IQGAP1: variants seen among roughly 807,000 people sequenced by gnomAD.
IQGAP1 encodes the protein IQ motif containing GTPase activating protein 1.
In IQGAP1, 66 loss-of-function variants were observed where a neutral mutation model predicts 215.6. The ratio of observed to expected loss-of-function variants is 0.31; its 90% CI spans 0.25 to 0.38. The LOEUF (loss-of-function observed/expected upper bound fraction) is 0.38. Ranked by LOEUF, IQGAP1 falls within the 10% of genes least tolerant of loss-of-function variation. The pLI is 1.00. For missense variants in IQGAP1, 1,712 were observed against 1,997.1 expected (o/e 0.86, Z 2.72); for synonymous variants, 772 against 728.7 (o/e 1.06, Z -0.96).
intron 26 of IQGAP1, among the ~76,000 whole-genome samples, chr15:90,479,476 G>T (rs1039375817): frequency 4.6e-5 from 7 of 151,566 alleles, no homozygotes; most frequent in African/African-American, 1.7e-4. Context: ...GGTAGCTCAC[G>T]ACTGTAATCC....
intron 18 of IQGAP1, among the ~76,000 whole-genome samples, chr15:90,469,307 C>T (rs1206622131): frequency 1.3e-5 from 2 of 152,210 alleles, no homozygotes; most frequent in South Asian, 2.1e-4. Flanking sequence ...ATTTACTTCC[C>T]TTTGGCAATA....
intron 26 of IQGAP1, 40 bp downstream of exon 26, chr15:90,477,929 T>A (rs779772642): frequency 1.6e-6 from 2 of 1,278,320 alleles, no homozygotes; most frequent in Non-Finnish European, 2.3e-6. Flanking sequence ...CATGTTGTTA[T>A]AGTCTTTCCC....
intron 5 of IQGAP1, among the ~76,000 whole-genome samples, chr15:90,437,440 C>G (rs976051294): frequency 6.6e-6 from 1 of 152,016 alleles, no homozygotes; most frequent in Non-Finnish European, 1.5e-5. Flanking sequence ...GAAAAATATT[C>G]TCTTAATTAA....
intron 9 of IQGAP1, among the ~76,000 whole-genome samples, chr15:90,443,680 A>G (rs992522324): frequency 1.3e-5 from 2 of 152,112 alleles, no homozygotes; most frequent in East Asian, 3.8e-4. Context: ...GCTTGTTCCT[A>G]CACTGACAGT....
intron 36 of IQGAP1, among the ~76,000 whole-genome samples, chr15:90,495,995 C>T (rs1171617412): frequency 4.0e-5 from 6 of 150,870 alleles, no homozygotes; most frequent in Non-Finnish European, 8.9e-5. Flanking sequence ...CAAGTGCCTA[C>T]CTCTATTTGC....
In IQGAP1 at chr15:90,388,520, G is replaced by C; in HGVS notation, c.55+124G>C. 3.5e-6 allele frequency: 3 copies of C among 856,922 alleles called. No homozygotes were observed. The South Asian group carries it at 7.1e-5, about 20-fold the overall frequency. 53.1% of individuals were successfully genotyped at this position (856,922 alleles called of 1,614,324 possible). ...GGCTGCCGGCAGCTCGGACCCGGAA[G>C]AGCCGTCCCGGTGGGGCGGCGGGCG... On this transcript the variant is annotated intron_variant, in intron 1 of 37. Transcript: ENST00000268182.
intron 2 of IQGAP1, among the ~76,000 whole-genome samples, chr15:90,399,911 T>G (rs1315908411): frequency 1.3e-5 from 2 of 152,234 alleles, no homozygotes; most frequent in East Asian, 3.8e-4. Flanking sequence ...GTGAACCATA[T>G]TTCATTTTTT....
intron 2 of IQGAP1, among the ~76,000 whole-genome samples, chr15:90,418,512 A>G (rs2151010623): frequency 6.6e-6 from 1 of 152,160 alleles, no homozygotes; most frequent in Admixed American, 6.5e-5. Flanking sequence ...CACTGATCCC[A>G]GGAGGTTGAG....
chr15:90,419,419 A>G (rs898426958), intron 2 of IQGAP1, among the ~76,000 whole-genome samples: 2 of 152,280 alleles, frequency 1.3e-5, no homozygotes, highest in South Asian at 2.1e-4. Flanking sequence ...CCTGTTTAGT[A>G]CTTGTGTTTC....
intron 5 of IQGAP1, among the ~76,000 whole-genome samples, chr15:90,437,581 G>A (rs1417549834): frequency 6.6e-6 from 1 of 152,034 alleles, no homozygotes; most frequent in African/African-American, 2.4e-5. Flanking sequence ...TTACTCTTTT[G>A]CCTAGGCTGG....
At chr15:90,405,646 T>A (rs535511370) in intron 2 of IQGAP1, among the ~76,000 whole-genome samples, 1 of 152,218 alleles carries the variant, frequency 6.6e-6, no homozygotes, top group South Asian at 2.1e-4. Flanking sequence ...GCAAATTATT[T>A]GGAATCTTTG....
chr15:90,413,668 C>G (rs1025307302), intron 2 of IQGAP1, among the ~76,000 whole-genome samples: 2 of 152,164 alleles, frequency 1.3e-5, no homozygotes, highest in African/African-American at 4.8e-5. Flanking sequence ...TTTTAGATAA[C>G]AGGGAAGTTA....
At chr15:90,417,532 A>G (rs947027034) in intron 2 of IQGAP1, among the ~76,000 whole-genome samples, 2 of 152,014 alleles carry the variant, frequency 1.3e-5, no homozygotes, top group Non-Finnish European at 2.9e-5. Context: ...ATGTGGTATT[A>G]TTTCTGAGGG....
intron 26 of IQGAP1, 124 bp downstream of exon 26, chr15:90,478,013 CAG>C: frequency 1.5e-6 from 1 of 688,122 alleles, no homozygotes; most frequent in South Asian, 2.0e-5. Flanking sequence ...TTTTTTTAGA[CAG>C]AGTTTCACTC....
At position 90,474,634 on chromosome 15, in the gene IQGAP1, G is replaced by C; in HGVS notation, c.2725G>C (p.Asp909His). Residue 909 changes from aspartate to histidine, a missense_variant, in exon 23 of 38, where the codon GAC becomes CAC. By Grantham distance (81) the Asp-to-His change is moderately conservative. Coordinates refer to ENST00000268182, the MANE Select transcript of IQGAP1 (RefSeq NM_003870.4). ...LIRSNQQLEN[D>H]LNLMDIKIGL... The stretch of plus-strand genomic sequence containing the variant: ...TCGTTCTAACCAGCAGCTGGAGAAT[G>C]ACCTCAATCTCATGGATATCAAAAT... 1 of 1,614,126 alleles carries C rather than the reference G, an allele frequency of 6.2e-7. No individual in the cohort carries two copies. Among genetic ancestry groups the C allele is most frequent in the Non-Finnish European group, 8.5e-7 (1 of 1,180,004 alleles).
intron 5 of IQGAP1, among the ~76,000 whole-genome samples, 168 bp from the exon 6 acceptor site, chr15:90,439,164 A>AC (rs1965413070): frequency 8.2e-6 from 1 of 122,102 alleles, no homozygotes. Flanking sequence ...TAAAAAAAAA[A>AC]AACTGAGGTA....
At chr15:90,388,601 AC>A (rs929745320) in intron 1 of IQGAP1, among the ~76,000 whole-genome samples, 1 of 151,316 alleles carries the variant, frequency 6.6e-6, no homozygotes, top group Admixed American at 6.6e-5. Flanking sequence ...GGCGGAGAGG[AC>A]CCCCGAGGCC....
chr15:90,403,594 G>A (rs191167052), intron 2 of IQGAP1, among the ~76,000 whole-genome samples: 12 of 152,220 alleles, frequency 7.9e-5, no homozygotes, highest in East Asian at 5.8e-4. Flanking sequence ...GTCTCTTTCC[G>A]GAGATATTCT....
At chr15:90,392,535 A>G (rs2151693348) in intron 2 of IQGAP1, among the ~76,000 whole-genome samples, 1 of 152,252 alleles carries the variant, frequency 6.6e-6, no homozygotes, top group East Asian at 1.9e-4. Flanking sequence ...TCCTTCCCCC[A>G]TCCAAAGTAG....
Sources: gnomAD v4.1 joint callset for allele counts (sites outside exome capture counted in the v4.1 genomes callset) on GRCh38, gnomAD v4.1.1 for gene constraint, MANE v1.5 for transcripts, NCBI Gene and HGNC (gene_info 2026-07-23, HGNC 2026-07-21) for gene names.